ZNF83: variants seen among roughly 807,000 people sequenced by gnomAD.
ZNF83 encodes the protein zinc finger protein 83.
For missense variants in ZNF83, 552 were observed against 629.9 expected (o/e 0.88, Z 1.32); for synonymous variants, 209 against 213.0 (o/e 0.98, Z 0.17).
intron 1 of ZNF83, among the ~76,000 whole-genome samples, chr19:52,685,897 CAAAAAAAA>C (rs3055370): frequency 0.73 from 97,982 of 135,068 alleles, 33,578 homozygotes; most frequent in African/African-American, 0.8. Flanking sequence ...GTAACTGTCA[CAAAAAAAA>C]AAAAAAAAAA....
chr19:52,617,406 G>A (rs1471490352), intron 2 of ZNF83: 1 of 152,118 alleles, frequency 6.6e-6, no homozygotes, highest in Admixed American at 6.6e-5. Flanking sequence ...GGATATTGAG[G>A]TGGTCAGAAA....
chr19:52,648,418 T>C (rs771177902), intron 3 of ZNF83, among the ~76,000 whole-genome samples: 1 of 152,114 alleles, frequency 6.6e-6, no homozygotes, highest in African/African-American at 2.4e-5. Flanking sequence ...TAATGGGCTC[T>C]AGACACTTTT....
intron 1 of ZNF83, among the ~76,000 whole-genome samples, chr19:52,677,021 C>T (rs1600265467): frequency 1.4e-5 from 2 of 147,206 alleles, no homozygotes; most frequent in Non-Finnish European, 1.5e-5. Flanking sequence ...CCTAGGAAAA[C>T]CAGAGACCTT....
exon 3 of ZNF83, chr19:52,613,728 ATGT>A (rs1170258018): frequency 5.2e-6 from 7 of 1,357,408 alleles, no homozygotes; most frequent in Non-Finnish European, 6.7e-6. Context: ...GGATTCTCTG[ATGT>A]TGTGCAAGGT....
chr19:52,655,728 G>C, intron 2 of ZNF83: 1 of 801,002 alleles, frequency 1.2e-6, no homozygotes. Context: ...TTAGGGAGGA[G>C]TCATTACCTT....
In ZNF83 at chr19:52,650,240, A is replaced by G. The variant is rs369175748; in HGVS notation, c.-74+5321T>C. On this transcript the variant is annotated intron_variant, in intron 3 of 5. Transcript: ENST00000594682. Reference sequence around the variant, plus strand: ...GTAAATTTAAAGGTGGGACCAAAACATGAGCTTGTTACTTTTCTTTCTTTT... The same window carrying G: ...GTAAATTTAAAGGTGGGACCAAAACGTGAGCTTGTTACTTTTCTTTCTTTT... 2.1e-5 allele frequency among the ~76,000 whole-genome samples: 3 copies of G among 142,222 alleles called. 1 individual carries two copies. Among genetic ancestry groups the G allele is most frequent in the African/African-American group, 8.0e-5 (3 of 37,598 alleles). The allele number at this position is 142,222 out of a possible 152,430, so 93.3% of individuals were successfully genotyped here. A position where few individuals can be genotyped will look rare whatever the true frequency, so the allele number is the denominator to read the frequency against.
intron 3 of ZNF83, chr19:52,652,895 A>C: frequency 9.2e-7 from 1 of 1,092,054 alleles, no homozygotes; most frequent in Non-Finnish European, 1.4e-6. Flanking sequence ...TTGCACTTGT[A>C]AGGTTTCTCT....
rs539279034 is a variant in ZNF83 at position 52,684,570 on chromosome 19, A to C, written c.-283+5873T>G. On this transcript the variant is annotated intron_variant, in intron 1 of 5. Transcript: ENST00000594682. The stretch of plus-strand genomic sequence containing the variant: ...GTCTAAAAAAAGAAAAAAAAAGGAA[A>C]GAAAGAAAAAGTGCTTCTGATATGA... 2.0e-5 allele frequency among the ~76,000 whole-genome samples: 3 copies of C among 150,712 alleles called. No individual in the cohort carries two copies. In the East Asian group the frequency reaches 5.9e-4, roughly 29 times the overall value.
intron 1 of ZNF83, among the ~76,000 whole-genome samples, chr19:52,670,326 G>A (rs1409889387): frequency 2.0e-5 from 3 of 152,118 alleles, no homozygotes; most frequent in African/African-American, 7.2e-5. Flanking sequence ...ATTGGAATTA[G>A]ATTAGCCTGT....
chr19:52,656,755 A>T (rs2061510189), intron 2 of ZNF83, among the ~76,000 whole-genome samples: 1 of 151,696 alleles, frequency 6.6e-6, no homozygotes, highest in Admixed American at 6.6e-5. Flanking sequence ...AGCCCCAGCT[A>T]CTCAGGAGGC....
At chr19:52,676,315 T>C (rs1396167654) in intron 1 of ZNF83, among the ~76,000 whole-genome samples, 1 of 152,180 alleles carries the variant, frequency 6.6e-6, no homozygotes, top group Non-Finnish European at 1.5e-5. Flanking sequence ...TGCAGTGGCC[T>C]GATCTCGGCT....
At chr19:52,685,652 A>T (rs886675213) in intron 1 of ZNF83, among the ~76,000 whole-genome samples, 2 of 152,098 alleles carry the variant, frequency 1.3e-5, no homozygotes, top group African/African-American at 4.8e-5. Flanking sequence ...ATCCCAGCAC[A>T]TTGGGAGGTC....
intron 1 of ZNF83, among the ~76,000 whole-genome samples, chr19:52,684,931 G>T (rs570749192): frequency 6.6e-6 from 1 of 152,290 alleles, no homozygotes; most frequent in East Asian, 1.9e-4. Context: ...TGGGGAACAC[G>T]GGAAGCCGGT....
chr19:52,676,125 C>G (rs982675564), intron 1 of ZNF83, among the ~76,000 whole-genome samples: 2 of 152,174 alleles, frequency 1.3e-5, no homozygotes, highest in African/African-American at 2.4e-5. Context: ...CAATTGCAGG[C>G]GCGCGCCGCC....
chr19:52,681,795 A>G (rs1466556824), intron 1 of ZNF83, among the ~76,000 whole-genome samples: 1 of 152,216 alleles, frequency 6.6e-6, no homozygotes, highest in Non-Finnish European at 1.5e-5. Context: ...GGAGCATCCT[A>G]CAAGGTCATT....
At chr19:52,686,605 G>A (rs760012236) in intron 1 of ZNF83, among the ~76,000 whole-genome samples, 19 of 151,534 alleles carry the variant, frequency 1.3e-4, no homozygotes, top group East Asian at 3.9e-4. Flanking sequence ...ATGGAGACTC[G>A]CTATGCCACC....
chr19:52,687,595 TAA>T (rs1568588835), intron 1 of ZNF83, among the ~76,000 whole-genome samples: 1 of 33,262 alleles, frequency 3.0e-5, no homozygotes, highest in African/African-American at 3.1e-4. Flanking sequence ...TATATATATA[TAA>T]TGTATATATA....
At chr19:52,633,482 TA>T (rs36047542) in intron 2 of ZNF83, among the ~76,000 whole-genome samples, 63,346 of 152,078 alleles carry the variant, frequency 0.42, 14,156 homozygotes, top group African/African-American at 0.55. Flanking sequence ...CTTGCTCTGA[TA>T]ACCTGGCACA....
upstream of ZNF83, among the ~76,000 whole-genome samples, chr19:52,641,137 C>T (rs1279885506): frequency 2.0e-5 from 3 of 151,560 alleles, no homozygotes; most frequent in Non-Finnish European, 4.4e-5. Flanking sequence ...TGGCCTGGCC[C>T]CCAGGCGGCC....
Sources: allele counts gnomAD v4.1 joint callset (sites outside exome capture counted in the v4.1 genomes callset), GRCh38; gene constraint gnomAD v4.1.1; transcripts MANE v1.5; gene names NCBI Gene and HGNC (gene_info 2026-07-23, HGNC 2026-07-21).